UPRT: variants seen among roughly 807,000 people sequenced by gnomAD.
The protein encoded by UPRT is uracil phosphoribosyltransferase homolog, also known as RP11-311P8.3.
A neutral mutation model predicts 22.6 loss-of-function variants in UPRT; 5 were observed. That is an observed-to-expected ratio of 0.22 (90% CI 0.12 to 0.47). UPRT has a LOEUF of 0.47. Ranked by LOEUF, UPRT falls within the 20% of genes least tolerant of loss-of-function variation. The probability of loss-of-function intolerance (pLI) is 0.99; values close to 1 mark genes in which losing one functional copy is unlikely to be tolerated. For missense variants in UPRT, 181 were observed against 239.9 expected (o/e 0.75, Z 1.62); for synonymous variants, 77 against 87.7 (o/e 0.88, Z 0.68).
At chrX:75,270,921 C>G (rs2082606279), upstream of UPRT, among the ~76,000 whole-genome samples, 1 of 110,340 alleles carries the variant, frequency 9.1e-6, no homozygotes, top group South Asian at 3.8e-4. Context: ...AAAATAAACA[C>G]TTTATGTGAA....
At chrX:75,176,094 CAGA>C (rs2082245796) in intron 4 of UPRT, among the ~76,000 whole-genome samples, 1 of 111,219 alleles carries the variant, frequency 9.0e-6, no homozygotes. Flanking sequence ...TCGAGGAAGG[CAGA>C]AGGATTTTAT....
At chrX:75,250,048 C>T (rs1472979305) in intron 4 of UPRT, among the ~76,000 whole-genome samples, 1 of 111,822 alleles carries the variant, frequency 8.9e-6, no homozygotes, top group Non-Finnish European at 1.9e-5. Context: ...ATCTCTGGGA[C>T]ACATTCAAAG....
At chrX:75,198,628 T>C (rs1007939231) in intron 4 of UPRT, among the ~76,000 whole-genome samples, 1 of 111,923 alleles carries the variant, frequency 8.9e-6, no homozygotes, top group African/African-American at 3.3e-5. Context: ...GTAGCACTTT[T>C]GATAGAGAAA....
At chrX:75,158,050 T>A (rs896820835) in intron 1 of UPRT, among the ~76,000 whole-genome samples, 10 of 112,462 alleles carry the variant, frequency 8.9e-5, no homozygotes, top group African/African-American at 3.2e-4. Context: ...ATTATTTTTT[T>A]CCAAAAGTAG....
At chrX:75,232,579 C>T (rs992757493) in intron 4 of UPRT, among the ~76,000 whole-genome samples, 5 of 112,258 alleles carry the variant, frequency 4.5e-5, no homozygotes, top group Admixed American at 9.4e-5. Flanking sequence ...CAGCACGCAG[C>T]TGGAGATCTG....
chrX:75,268,836 T>C (rs2082598773), intron 4 of UPRT, among the ~76,000 whole-genome samples: 1 of 112,016 alleles, frequency 8.9e-6, no homozygotes, highest in South Asian at 3.7e-4. Context: ...GCATTCCCTT[T>C]GAAAACCAGC....
At chrX:75,297,900 G>T in intron 4 of UPRT, 1 of 185,063 alleles carries the variant, frequency 5.4e-6, no homozygotes, top group East Asian at 1.0e-4. Flanking sequence ...CGGGCTTGGA[G>T]AACTTTGAAT....
At chrX:75,231,540 G>GA (rs1465805749) in intron 4 of UPRT, among the ~76,000 whole-genome samples, 10 of 112,036 alleles carry the variant, frequency 8.9e-5, no homozygotes, top group Non-Finnish European at 1.9e-4. Context: ...GAATAATCAA[G>GA]AAAAATCTTC....
chrX:75,299,904 G>T lies in UPRT; in HGVS notation c.724+8G>T. On this transcript the variant is annotated splice_region_variant and intron_variant, in intron 5 of 6. Transcript: ENST00000373383. ...TGATGTATCCAATTCTCAGTGAGTGGCTTCCATTTGTTTGTAACCTTTGGT... is the reference window on the plus strand; with the variant it reads ...TGATGTATCCAATTCTCAGTGAGTGTCTTCCATTTGTTTGTAACCTTTGGT... 2 of 1,206,891 alleles carry T rather than the reference G, an allele frequency of 1.7e-6. No homozygotes were observed. Among genetic ancestry groups the T allele is most frequent in the Non-Finnish European group, 2.2e-6 (2 of 893,085 alleles).
At chrX:75,248,678 G>T (rs755028826) in intron 4 of UPRT, among the ~76,000 whole-genome samples, 1 of 111,686 alleles carries the variant, frequency 9.0e-6, no homozygotes, top group African/African-American at 3.3e-5. Context: ...AGCAAAGCAG[G>T]CCAACATTCA....
chrX:75,266,983 G>A (rs1259492135), intron 4 of UPRT, among the ~76,000 whole-genome samples: 2 of 111,444 alleles, frequency 1.8e-5, no homozygotes, highest in African/African-American at 6.5e-5. Flanking sequence ...CTTTTACACT[G>A]TTGGTGGGAC....
chrX:75,246,705 G>T (rs1224307359), intron 4 of UPRT, among the ~76,000 whole-genome samples: 5 of 111,548 alleles, frequency 4.5e-5, no homozygotes, highest in African/African-American at 9.8e-5. Context: ...GGTTGAACCA[G>T]TTTACAGTCC....
At chrX:75,255,026 C>T (rs1008934044) in intron 4 of UPRT, among the ~76,000 whole-genome samples, 24 of 110,553 alleles carry the variant, frequency 2.2e-4, no homozygotes, top group Admixed American at 2.9e-4. Flanking sequence ...CCACCCGCCT[C>T]GGCCTCCCAA....
chrX:75,214,108 G>A (rs774910929), intron 4 of UPRT, among the ~76,000 whole-genome samples: 29 of 112,005 alleles, frequency 2.6e-4, no homozygotes, highest in Non-Finnish European at 5.1e-4. Flanking sequence ...AATTTGTATG[G>A]ATATGAATCA....
At chrX:75,203,468 G>A (rs2082353188) in intron 4 of UPRT, among the ~76,000 whole-genome samples, 1 of 96,732 alleles carries the variant, frequency 1.0e-5, no homozygotes, top group Non-Finnish European at 2.1e-5. Context: ...TTGAAGAGAA[G>A]GCAAGGGTTA....
chrX:75,237,104 A>T (rs1038702238), intron 4 of UPRT, among the ~76,000 whole-genome samples: 1 of 112,349 alleles, frequency 8.9e-6, no homozygotes. Flanking sequence ...ATTTACAAGG[A>T]AAAAACAAAC....
intron 4 of UPRT, among the ~76,000 whole-genome samples, chrX:75,176,040 C>T (rs765697329): frequency 2.7e-5 from 3 of 111,375 alleles, no homozygotes; most frequent in East Asian, 5.7e-4. Context: ...TCGAGTGATT[C>T]GGGTGATAGG....
intron 4 of UPRT, among the ~76,000 whole-genome samples, chrX:75,180,293 C>T (rs139957512): frequency 0.016 from 1,745 of 112,205 alleles, 9 homozygotes; most frequent in Middle Eastern, 0.046. Context: ...ACCCAGATAG[C>T]GCACAGGGCT....
At chrX:75,298,011 C>T (rs1983261201) in intron 4 of UPRT, among the ~76,000 whole-genome samples, 1 of 104,778 alleles carries the variant, frequency 9.5e-6, no homozygotes. Flanking sequence ...CAGGGTCTCA[C>T]TCTATTGTCC....
Sources: gnomAD v4.1 joint callset for allele counts (sites outside exome capture counted in the v4.1 genomes callset) on GRCh38, gnomAD v4.1.1 for gene constraint, MANE v1.5 for transcripts, NCBI Gene and HGNC (gene_info 2026-07-23, HGNC 2026-07-21) for gene names.